The following IQCM variants were observed in gnomAD, a reference collection of about 807,000 sequenced individuals.
IQCM encodes the protein IQ motif containing M, also known as IQ domain-containing protein M.
IQCM carries 45 observed loss-of-function variants against 57.6 expected under a neutral mutation model. The ratio of observed to expected loss-of-function variants is 0.78; its 90% CI spans 0.62 to 1.00. The LOEUF is 1.00. Ranked by LOEUF, IQCM falls within the 50% of genes least tolerant of loss-of-function variation. The pLI, the probability that IQCM is intolerant of heterozygous loss-of-function variation, is 0.00. For missense variants in IQCM, 468 were observed against 511.6 expected (o/e 0.91, Z 0.82); for synonymous variants, 148 against 158.9 (o/e 0.93, Z 0.51).
intron 12 of IQCM, among the ~76,000 whole-genome samples, chr4:149,532,830 G>A (rs747359307): frequency 5.3e-5 from 8 of 152,118 alleles, no homozygotes; most frequent in Non-Finnish European, 8.8e-5. Flanking sequence ...GCTAGTAGAG[G>A]GAGATGGACC....
intron 2 of IQCM, among the ~76,000 whole-genome samples, chr4:149,789,517 T>C (rs75791729): frequency 6.6e-6 from 1 of 152,172 alleles, no homozygotes; most frequent in Non-Finnish European, 1.5e-5. Flanking sequence ...AGACAAATAT[T>C]ATGAATACAT....
intron 13 of IQCM, among the ~76,000 whole-genome samples, chr4:149,398,138 T>C (rs1482466510): frequency 3.3e-5 from 5 of 152,032 alleles, no homozygotes; most frequent in Non-Finnish European, 4.4e-5. Flanking sequence ...CCAACACCTT[T>C]ATTGAAGGTG....
intron 8 of IQCM, among the ~76,000 whole-genome samples, chr4:149,608,404 G>A (rs1579681768): frequency 6.6e-6 from 1 of 151,848 alleles, no homozygotes; most frequent in South Asian, 2.1e-4. Flanking sequence ...CTTCACTATA[G>A]ACCAAATGAA....
chr4:149,750,679 T>C (rs1768350895), intron 2 of IQCM, among the ~76,000 whole-genome samples: 1 of 152,200 alleles, frequency 6.6e-6, no homozygotes, highest in Admixed American at 6.5e-5. Context: ...TCCCAGTTAT[T>C]AATCTCACAT....
At chr4:149,686,917 T>A (rs1049038789) in intron 5 of IQCM, among the ~76,000 whole-genome samples, 2 of 151,598 alleles carry the variant, frequency 1.3e-5, no homozygotes, top group East Asian at 3.9e-4. Flanking sequence ...AATCTCATTA[T>A]TTGATAGAGT....
chr4:149,650,112 C>A (rs541932119), intron 7 of IQCM, among the ~76,000 whole-genome samples: 13 of 152,108 alleles, frequency 8.5e-5, no homozygotes, highest in African/African-American at 3.1e-4. Flanking sequence ...AACTTTGATA[C>A]CTCAGGATTT....
At chr4:149,369,938 C>A (rs570537621) in intron 13 of IQCM, among the ~76,000 whole-genome samples, 1 of 152,290 alleles carries the variant, frequency 6.6e-6, no homozygotes, top group South Asian at 2.1e-4. Flanking sequence ...CTCAGTCACT[C>A]AGGTTGGAGT....
intron 9 of IQCM, among the ~76,000 whole-genome samples, chr4:149,574,201 A>T (rs953448466): frequency 6.6e-6 from 1 of 151,986 alleles, no homozygotes; most frequent in African/African-American, 2.4e-5. Context: ...TTAGAGAATC[A>T]CAGAAATTAT....
At chr4:149,400,881 T>G (rs1452446776) in intron 13 of IQCM, among the ~76,000 whole-genome samples, 1 of 151,914 alleles carries the variant, frequency 6.6e-6, no homozygotes, top group Non-Finnish European at 1.5e-5. Context: ...CTGTATAGAC[T>G]AATTCTTATG....
In IQCM at chr4:149,789,272, T is replaced by C. The variant is rs566966749; in HGVS notation, c.-49+26039A>G. Among the ~76,000 whole-genome samples the C allele has an allele frequency of 4.1e-4, 63 of 152,248 alleles. 1 individual carries two copies. Among genetic ancestry groups the C allele is most frequent in the Middle Eastern group, 3.4e-3 (1 of 294 alleles). ...AAATATCACATGGACCCCATAAATATTTAAAATATTATATATCAAAAGGAC... is the reference window on the plus strand; with the variant it reads ...AAATATCACATGGACCCCATAAATACTTAAAATATTATATATCAAAAGGAC... On this transcript the variant is annotated intron_variant, in intron 2 of 13. Coordinates refer to ENST00000636793, the MANE Select transcript of IQCM (RefSeq NM_001363507.2).
At chr4:149,630,050 A>G (rs1462226900) in intron 7 of IQCM, among the ~76,000 whole-genome samples, 2 of 152,214 alleles carry the variant, frequency 1.3e-5, no homozygotes, top group Non-Finnish European at 2.9e-5. Flanking sequence ...TTACCTTCCC[A>G]GGAAAGGAGA....
intron 8 of IQCM, among the ~76,000 whole-genome samples, chr4:149,604,552 A>G (rs2150039976): frequency 6.6e-6 from 1 of 152,318 alleles, no homozygotes; most frequent in South Asian, 2.1e-4. Flanking sequence ...CAATATCCAA[A>G]GCCTGTGGCC....
At chr4:149,567,610 G>T (rs1750755581) in intron 9 of IQCM, among the ~76,000 whole-genome samples, 1 of 151,992 alleles carries the variant, frequency 6.6e-6, no homozygotes, top group Non-Finnish European at 1.5e-5. Flanking sequence ...ACCTCTCAAA[G>T]TGCTGGGATT....
intron 12 of IQCM, among the ~76,000 whole-genome samples, chr4:149,535,385 A>G (rs1327175817): frequency 6.6e-6 from 1 of 151,990 alleles, no homozygotes; most frequent in Non-Finnish European, 1.5e-5. Context: ...AGTTTTTCTC[A>G]TCAGGGAGTT....
chr4:149,553,724 T>C (rs974462055), intron 10 of IQCM, among the ~76,000 whole-genome samples: 3 of 152,182 alleles, frequency 2.0e-5, no homozygotes, highest in Non-Finnish European at 4.4e-5. Flanking sequence ...CCTTTACCTA[T>C]TTTTCCCTGG....
At chr4:149,638,497 T>A (rs898950926) in intron 7 of IQCM, among the ~76,000 whole-genome samples, 1 of 151,750 alleles carries the variant, frequency 6.6e-6, no homozygotes, top group Non-Finnish European at 1.5e-5. Context: ...GGAAATAAGA[T>A]AGATGTTCAA....
At chr4:149,354,478 C>T (rs748977533) in intron 13 of IQCM, among the ~76,000 whole-genome samples, 15 of 151,212 alleles carry the variant, frequency 9.9e-5, no homozygotes, top group Admixed American at 4.0e-4. Context: ...AGATTAGTGT[C>T]CTAATCCTAA....
intron 2 of IQCM, among the ~76,000 whole-genome samples, chr4:149,774,137 A>G (rs949760389): frequency 6.6e-6 from 1 of 151,916 alleles, no homozygotes; most frequent in African/African-American, 2.4e-5. Flanking sequence ...ATTTCTGGGT[A>G]AGCTCTAATC....
At chr4:149,491,503 T>C (rs1356656211) in intron 12 of IQCM, among the ~76,000 whole-genome samples, 1 of 152,098 alleles carries the variant, frequency 6.6e-6, no homozygotes, top group Admixed American at 6.6e-5. Flanking sequence ...GTAGGTGAGA[T>C]CATGTGGTAT....
Sources: allele counts gnomAD v4.1 joint callset (sites outside exome capture counted in the v4.1 genomes callset), GRCh38; gene constraint gnomAD v4.1.1; transcripts MANE v1.5; gene names NCBI Gene and HGNC (gene_info 2026-07-23, HGNC 2026-07-21).